The following EDDM3A variants were observed in gnomAD, a reference collection of about 807,000 sequenced individuals.
EDDM3A encodes epididymal protein 3A, also known as epididymal secretory protein E3-alpha.
For synonymous variants in EDDM3A, 75 were observed against 60.4 expected, an observed-to-expected ratio of 1.24 and a Z score of -1.12; for missense variants, 199 against 177.4, an observed-to-expected ratio of 1.12 and a Z score of -0.69.
rs778016550 is a variant in EDDM3A at position 20,747,873 on chromosome 14, G to A, written c.293G>A (p.Gly98Asp). Residue 98 changes from glycine (G) to aspartate (D), a missense_variant, in exon 2 of 2, where the codon GGT (glycine) becomes GAT (aspartate). Physicochemically the swap from Gly to Asp is moderately conservative, Grantham distance 94 (BLOSUM62 -1). Coordinates refer to ENST00000326842, the MANE Select transcript of EDDM3A (RefSeq NM_006683.5). ...AGAAATGCATATGTATGGGCCCCAG[G>A]TGCCCTCAAAGTACTCGAGTGTCAC... ...RYRNAYVWAP[G>D]ALKVLECHWE... The A allele has an allele frequency of 1.9e-6, 3 of 1,613,970 alleles. No homozygotes were observed. Among genetic ancestry groups the A allele is most frequent in the African/African-American group, 1.3e-5 (1 of 74,888 alleles).
chr14:20,741,591 G>T (rs543715979), upstream of EDDM3A, among the ~76,000 whole-genome samples: 41 of 152,240 alleles, frequency 2.7e-4, no homozygotes, highest in African/African-American at 9.9e-4. Context: ...TGAACTCCAT[G>T]TGCCAACTAC....
chr14:20,744,145 CT>C (rs1877515884), upstream of EDDM3A, among the ~76,000 whole-genome samples: 1 of 152,198 alleles, frequency 6.6e-6, no homozygotes, highest in Non-Finnish European at 1.5e-5. Context: ...AGAATCGCCT[CT>C]CAAATCATCC....
At chr14:20,744,543 A>G (rs1239371496), upstream of EDDM3A, among the ~76,000 whole-genome samples, 1 of 152,206 alleles carries the variant, frequency 6.6e-6, no homozygotes, top group Non-Finnish European at 1.5e-5. Context: ...GGCATGGAAA[A>G]TATGGTGGAA....
Position 20,748,188 on chromosome 14 carries a change from T to C in EDDM3A, c.*164T>C, listed in dbSNP as rs1877667738. ...CCTCGTGATTTCTTGATACCAAATC[T>C]TTGTGTGGTTTCTGTATCTGTAATA... is the stretch of plus-strand genomic sequence containing the variant. On this transcript the variant is annotated 3_prime_UTR_variant, in exon 2 of 2. Coordinates refer to ENST00000326842, the MANE Select transcript of EDDM3A (RefSeq NM_006683.5). 3 of 571,228 alleles carry C rather than the reference T, an allele frequency of 5.3e-6. No homozygotes were observed. Among genetic ancestry groups the C allele is most frequent in the South Asian group, 3.1e-5 (1 of 32,590 alleles). 35.4% of individuals were successfully genotyped at this position (571,228 alleles called of 1,614,324 possible).
chr14:20,744,682 C>G (rs185792458), upstream of EDDM3A, among the ~76,000 whole-genome samples: 3 of 152,304 alleles, frequency 2.0e-5, no homozygotes, highest in East Asian at 3.9e-4. Flanking sequence ...ACTTAGCCAG[C>G]ACCTTGTGAC....
the EDDM3A span, among the ~76,000 whole-genome samples, chr14:20,740,131 T>A: frequency 6.6e-6 from 1 of 152,062 alleles, no homozygotes; most frequent in African/African-American, 2.4e-5. Flanking sequence ...CTTGGAGAGG[T>A]GGATTTGACT....
At chr14:20,745,334 G>C (rs1165578229), upstream of EDDM3A, among the ~76,000 whole-genome samples, 1 of 151,830 alleles carries the variant, frequency 6.6e-6, no homozygotes, top group African/African-American at 2.4e-5. Context: ...AGACCATCCT[G>C]GCTAACACGG....
chr14:20,746,922 G>T (rs979569961), intron 1 of EDDM3A, among the ~76,000 whole-genome samples: 2 of 152,152 alleles, frequency 1.3e-5, no homozygotes, highest in African/African-American at 4.8e-5. Flanking sequence ...TTGGACACAT[G>T]ATCTCCTGAG....
At chr14:20,741,447 T>C (rs1877431772), upstream of EDDM3A, among the ~76,000 whole-genome samples, 1 of 152,248 alleles carries the variant, frequency 6.6e-6, no homozygotes, top group South Asian at 2.1e-4. Flanking sequence ...CTATAAAACA[T>C]GTAGCAGCAA....
chr14:20,737,432 A>G, the EDDM3A span, among the ~76,000 whole-genome samples: 3 of 152,108 alleles, frequency 2.0e-5, no homozygotes, highest in Admixed American at 6.6e-5. Context: ...ATACAAAACT[A>G]CAGTAGGCTG....
At chr14:20,741,535 AC>A (rs1877433767), upstream of EDDM3A, among the ~76,000 whole-genome samples, 1 of 151,864 alleles carries the variant, frequency 6.6e-6, no homozygotes, top group Non-Finnish European at 1.5e-5. Flanking sequence ...ATAAGTTAGG[AC>A]CCCCTGGGAC....
At chr14:20,742,208 C>T (rs1055859994), upstream of EDDM3A, among the ~76,000 whole-genome samples, 3 of 152,178 alleles carry the variant, frequency 2.0e-5, no homozygotes, top group Admixed American at 2.0e-4. Context: ...GGTACTGATT[C>T]CCATCCTGGG....
At position 20,747,773 on chromosome 14, in the gene EDDM3A, T is replaced by A; in HGVS notation, c.193T>A (p.Phe65Ile). 6.2e-7 allele frequency: 1 copy of A among 1,614,154 alleles called. No individual in the cohort carries two copies. Among genetic ancestry groups the A allele is most frequent in the Non-Finnish European group, 8.5e-7 (1 of 1,180,026 alleles). The change falls in exon 2 of 2, where the codon TTT becomes ATT. Residue 65 changes from phenylalanine (F) to isoleucine (I), a missense_variant. Transcript: ENST00000326842. ...AAAAGAGGCTCTGAAAGGCAAGAGC[T>A]TTCATATGTTCATCTATAGCTTATG... Reference protein sequence around the residue: ...REKEALKGKSFHMFIYSLWFK... With the variant: ...REKEALKGKSIHMFIYSLWFK...
chr14:20,739,478 G>A, the EDDM3A span, among the ~76,000 whole-genome samples: 97,722 of 151,976 alleles, frequency 0.64, 32,023 homozygotes, highest in African/African-American at 0.78. Flanking sequence ...AGTCCCTTCT[G>A]CTAAGCCAAG....
chr14:20,746,526 G>A (rs1310463665), intron 1 of EDDM3A, among the ~76,000 whole-genome samples: 1 of 152,154 alleles, frequency 6.6e-6, no homozygotes, highest in Non-Finnish European at 1.5e-5. Flanking sequence ...AGCTCTGCGG[G>A]GGACTGTTTT....
chr14:20,745,384 G>A (rs2139079995), upstream of EDDM3A, among the ~76,000 whole-genome samples: 1 of 152,094 alleles, frequency 6.6e-6, no homozygotes, highest in Non-Finnish European at 1.5e-5. Context: ...AAATTAGCTG[G>A]GCGTGGTGAC....
chr14:20,735,973 C>T, the EDDM3A span, among the ~76,000 whole-genome samples: 1 of 152,142 alleles, frequency 6.6e-6, no homozygotes, highest in East Asian at 1.9e-4. Context: ...ATGAGTCTTC[C>T]CTGGCCCACT....
At chr14:20,745,399 G>A (rs926645022), upstream of EDDM3A, among the ~76,000 whole-genome samples, 27 of 151,836 alleles carry the variant, frequency 1.8e-4, no homozygotes, top group African/African-American at 6.3e-4. Context: ...GGTGACAGGC[G>A]CCTATAGTCC....
chr14:20,737,200 C>T, the EDDM3A span, among the ~76,000 whole-genome samples: 5 of 151,838 alleles, frequency 3.3e-5, no homozygotes, highest in African/African-American at 7.2e-5. Flanking sequence ...ATTACAGGTG[C>T]GCAACACCAC....
Sources: allele counts gnomAD v4.1 joint callset (sites outside exome capture counted in the v4.1 genomes callset), GRCh38; gene constraint gnomAD v4.1.1; transcripts MANE v1.5; gene names NCBI Gene and HGNC (gene_info 2026-07-23, HGNC 2026-07-21).